The following DMD variants were observed in gnomAD, a reference collection of about 807,000 sequenced individuals.
DMD encodes the protein dystrophin.
A neutral mutation model predicts 330.1 loss-of-function variants in DMD; 63 were observed. The observed-to-expected ratio is 0.19, with a 90% confidence interval of 0.16 to 0.24. The LOEUF (loss-of-function observed/expected upper bound fraction) is 0.24. Among genes scored for constraint, DMD ranks in the 10% least tolerant of loss-of-function variants. The pLI is 1.00. For synonymous variants in DMD, 1,223 were observed against 959.8 expected, an observed-to-expected ratio of 1.27 and a Z score of -5.07; for missense variants, 3,344 against 2,684.1, an observed-to-expected ratio of 1.25 and a Z score of -5.43.
At chrX:31,988,756 C>G (rs1439955415) in intron 44 of DMD, among the ~76,000 whole-genome samples, 1 of 110,174 alleles carries the variant, frequency 9.1e-6, no homozygotes, top group Admixed American at 9.7e-5. Context: ...CACTCTCACA[C>G]TCACGTTCTT....
chrX:32,599,725 A>G (rs2055974767), intron 12 of DMD, among the ~76,000 whole-genome samples: 2 of 111,588 alleles, frequency 1.8e-5, no homozygotes, highest in Admixed American at 1.9e-4. Flanking sequence ...GATTGTACAT[A>G]CACATACACA....
intron 1 of DMD, among the ~76,000 whole-genome samples, chrX:33,322,069 G>C (rs1483751473): frequency 1.8e-5 from 2 of 111,760 alleles, no homozygotes; most frequent in Non-Finnish European, 3.8e-5. Context: ...ATCCATATCA[G>C]CAGTAAGACT....
intron 51 of DMD, among the ~76,000 whole-genome samples, chrX:31,755,386 GT>G (rs1424253090): frequency 8.9e-6 from 1 of 111,907 alleles, no homozygotes; most frequent in Non-Finnish European, 1.9e-5. Context: ...GAAGATTCTA[GT>G]TGTCTGATGC....
intron 1 of DMD, among the ~76,000 whole-genome samples, chrX:33,324,154 A>C (rs1569131931): frequency 9.0e-6 from 1 of 111,705 alleles, no homozygotes; most frequent in Non-Finnish European, 1.9e-5. Context: ...GTAGACCCTG[A>C]GCAAATTATT....
intron 51 of DMD, among the ~76,000 whole-genome samples, chrX:31,734,966 T>A (rs1172623026): frequency 9.0e-6 from 1 of 111,715 alleles, no homozygotes; most frequent in Non-Finnish European, 1.9e-5. Flanking sequence ...CCTTCTATTA[T>A]TGGGTCTTAA....
intron 11 of DMD, among the ~76,000 whole-genome samples, chrX:32,614,989 C>T (rs1000643073): frequency 7.4e-4 from 82 of 110,820 alleles, no homozygotes; most frequent in Admixed American, 1.2e-3. Flanking sequence ...GCCTAGATTC[C>T]ATGCTGTAAA....
At chrX:32,759,670 T>G (rs1048356302) in intron 7 of DMD, among the ~76,000 whole-genome samples, 6 of 111,981 alleles carry the variant, frequency 5.4e-5, no homozygotes, top group Non-Finnish European at 1.1e-4. Flanking sequence ...TCTTATTATT[T>G]TATATATTTT....
chrX:32,286,495 A>G (rs1234002341), intron 43 of DMD, among the ~76,000 whole-genome samples: 2 of 111,710 alleles, frequency 1.8e-5, no homozygotes, highest in African/African-American at 6.5e-5. Context: ...GGGGCTTGCT[A>G]TAGGGCAGGC....
At chrX:33,277,813 TTA>T (rs2053259493) in intron 1 of DMD, among the ~76,000 whole-genome samples, 1 of 111,341 alleles carries the variant, frequency 9.0e-6, no homozygotes, top group Non-Finnish European at 1.9e-5. Flanking sequence ...TTCAGAAATG[TTA>T]CACAAATAGA....
chrX:32,651,990 A>G (rs1347107989), intron 9 of DMD, among the ~76,000 whole-genome samples: 1 of 111,498 alleles, frequency 9.0e-6, no homozygotes, highest in Non-Finnish European at 1.9e-5. Flanking sequence ...ACTATTGCAG[A>G]ACCACTCACA....
intron 29 of DMD, among the ~76,000 whole-genome samples, chrX:32,430,117 G>A (rs1249574946): frequency 9.1e-6 from 1 of 110,467 alleles, no homozygotes; most frequent in South Asian, 3.8e-4. Context: ...TCAATATCTT[G>A]AAAATATTTT....
At chrX:32,503,579 A>G (rs2044276434) in intron 18 of DMD, among the ~76,000 whole-genome samples, 2 of 111,540 alleles carry the variant, frequency 1.8e-5, no homozygotes, top group Non-Finnish European at 3.8e-5. Flanking sequence ...TCTTTGAGAC[A>G]GAGTCTCACT....
At chrX:33,114,922 A>G (rs992001572) in intron 1 of DMD, among the ~76,000 whole-genome samples, 10 of 111,552 alleles carry the variant, frequency 9.0e-5, no homozygotes, top group Non-Finnish European at 1.5e-4. Context: ...AGCCCAAATC[A>G]TAAAGTTCTC....
intron 29 of DMD, among the ~76,000 whole-genome samples, chrX:32,415,172 T>C (rs2098161527): frequency 8.9e-6 from 1 of 112,287 alleles, no homozygotes; most frequent in African/African-American, 3.2e-5. Flanking sequence ...GGCACATCTG[T>C]AGATTTTAAT....
At chrX:32,632,249 C>G (rs1240405749) in intron 11 of DMD, among the ~76,000 whole-genome samples, 2 of 111,984 alleles carry the variant, frequency 1.8e-5, no homozygotes, top group Non-Finnish European at 3.8e-5. Context: ...CCAGGGTAAA[C>G]TGGTGGGAGT....
rs147096734 is a variant in DMD, at chrX:32,665,469, C to T, written c.961-20317G>A. 4.4e-3 allele frequency among the ~76,000 whole-genome samples: 490 copies of T among 111,897 alleles called. 9 individuals are homozygous for T. Among genetic ancestry groups the T allele is most frequent in the African/African-American group, 0.015 (465 of 30,761 alleles). On this transcript the variant is annotated intron_variant, in intron 9 of 78. Coordinates refer to ENST00000357033, the MANE Select transcript of DMD (RefSeq NM_004006.3). ...TCCTCAACAAATTTTGTTATTGTGC[C>T]AATTAAGGCACACTTAAGAAGCAAT...
rs766427132 is a variant in DMD at position 31,178,746 on chromosome X, G to C, written c.10146C>G (p.Thr3382=). The change falls in exon 70 of 79, where the codon ACC becomes ACG. Residue 3382 remains threonine, a synonymous_variant. Transcript: ENST00000357033. ...FAKVLKNKFR[T]KRYFAKHPRM... ...GGGGATGCTTCGCAAAATACCTTTT[G>C]GTTCGAAATTTGTTTTTTAGTACCT... 56 of 1,210,761 alleles carry C rather than the reference G, an allele frequency of 4.6e-5. No individual in the cohort carries two copies. The highest frequency in any genetic ancestry group is 6.0e-5 in the Non-Finnish European group (54 of 894,781).
chrX:32,523,895 T>C (rs1389777492), intron 17 of DMD, among the ~76,000 whole-genome samples: 2 of 110,682 alleles, frequency 1.8e-5, no homozygotes, highest in Non-Finnish European at 3.8e-5. Flanking sequence ...TGTTTGTTTT[T>C]AGTTTGAAAG....
chrX:32,824,144 A>T (rs2078505164), intron 4 of DMD, among the ~76,000 whole-genome samples: 1 of 111,944 alleles, frequency 8.9e-6, no homozygotes, highest in Non-Finnish European at 1.9e-5. Context: ...GGATGACTCA[A>T]CCCCTGCTAG....
Sources: allele counts gnomAD v4.1 joint callset (sites outside exome capture counted in the v4.1 genomes callset), GRCh38; gene constraint gnomAD v4.1.1; transcripts MANE v1.5; gene names NCBI Gene and HGNC (gene_info 2026-07-23, HGNC 2026-07-21).